The following CELF1 variants were observed in gnomAD, a reference collection of about 807,000 sequenced individuals.
The protein encoded by CELF1 is CUGBP Elav-like family member 1, also known as 50 kDa nuclear polyadenylated RNA-binding protein.
CELF1 carries 10 observed loss-of-function variants against 61.8 expected under a neutral mutation model. That is an observed-to-expected ratio of 0.16 (90% CI 0.10 to 0.27). The LOEUF is 0.27. CELF1 is among the 10% of genes least tolerant of loss of function. CELF1 has a pLI of 1.00. For synonymous variants in CELF1, 236 were observed against 225.1 expected (o/e 1.05, Z -0.43); for missense variants, 380 against 639.1 (o/e 0.59, Z 4.37).
intron 1 of CELF1, among the ~76,000 whole-genome samples, chr11:47,535,929 AT>A (rs1159764844): frequency 1.3e-5 from 2 of 151,398 alleles, no homozygotes; most frequent in African/African-American, 4.8e-5. Flanking sequence ...TGCCCAGCTA[AT>A]TTTTTCTGTT....
At chr11:47,550,036 C>G (rs981364072) in intron 1 of CELF1, among the ~76,000 whole-genome samples, 2 of 151,630 alleles carry the variant, frequency 1.3e-5, no homozygotes, top group Non-Finnish European at 2.9e-5. Context: ...AGGCTGGTCT[C>G]GAACTCCTGA....
At chr11:47,499,304 A>C in intron 3 of CELF1, 149 bp downstream of exon 3, 1 of 622,512 alleles carries the variant, frequency 1.6e-6, no homozygotes, top group South Asian at 2.0e-5. Context: ...CTACAATTGA[A>C]AATAATAGCA....
upstream of CELF1, among the ~76,000 whole-genome samples, chr11:47,555,352 C>T (rs774011704): frequency 1.6e-5 from 2 of 126,764 alleles, no homozygotes; most frequent in Non-Finnish European, 3.3e-5. Flanking sequence ...CTAATATCTC[C>T]ATTGCTTTTC....
intron 1 of CELF1, among the ~76,000 whole-genome samples, chr11:47,525,512 A>G (rs1484316635): frequency 6.6e-6 from 1 of 152,172 alleles, no homozygotes. Context: ...GGGTTTCACC[A>G]TGCTGCCCAG....
intron 2 of CELF1, among the ~76,000 whole-genome samples, chr11:47,560,135 A>G (rs1455034913): frequency 2.0e-5 from 3 of 152,118 alleles, no homozygotes; most frequent in Non-Finnish European, 4.4e-5. Flanking sequence ...CCCCATCTGT[A>G]CAAACATTAG....
intron 1 of CELF1, among the ~76,000 whole-genome samples, chr11:47,509,401 GA>G (rs1334888123): frequency 6.6e-6 from 1 of 152,148 alleles, no homozygotes; most frequent in Non-Finnish European, 1.5e-5. Flanking sequence ...AAAAAGCTAA[GA>G]GGGGGGCTGG....
At chr11:47,487,887 G>A (rs1465474523) in intron 4 of CELF1, among the ~76,000 whole-genome samples, 1 of 152,078 alleles carries the variant, frequency 6.6e-6, no homozygotes, top group Non-Finnish European at 1.5e-5. Context: ...AGTATATCTT[G>A]TAAATCTTGG....
At chr11:47,558,529 A>T (rs1565921433) in intron 2 of CELF1, among the ~76,000 whole-genome samples, 1 of 115,344 alleles carries the variant, frequency 8.7e-6, no homozygotes, top group African/African-American at 4.0e-5. Flanking sequence ...ATGTATATGT[A>T]TATATTTATA....
chr11:47,541,823 AAAGAAAG>A (rs1565904984), intron 1 of CELF1, among the ~76,000 whole-genome samples: 14 of 149,536 alleles, frequency 9.4e-5, no homozygotes, highest in East Asian at 7.8e-4. Context: ...AGAAAGAAAG[AAAGAAAG>A]AAAGAAAATG....
intron 3 of CELF1, among the ~76,000 whole-genome samples, chr11:47,490,533 TCTC>T (rs1326326671): frequency 6.6e-6 from 1 of 151,494 alleles, no homozygotes; most frequent in African/African-American, 2.4e-5. Flanking sequence ...TTCAAGCAAT[TCTC>T]CTGCCTCAGC....
At chr11:47,527,771 A>C (rs1439453297) in intron 1 of CELF1, among the ~76,000 whole-genome samples, 3 of 152,162 alleles carry the variant, frequency 2.0e-5, no homozygotes, top group Non-Finnish European at 4.4e-5. Context: ...TCTCTACTAA[A>C]AATACTTGTG....
At chr11:47,487,898 G>C (rs944871441) in intron 4 of CELF1, among the ~76,000 whole-genome samples, 1 of 151,950 alleles carries the variant, frequency 6.6e-6, no homozygotes, top group Non-Finnish European at 1.5e-5. Flanking sequence ...TAAATCTTGG[G>C]CTTAAATGTT....
chr11:47,487,098 G>GTC (rs1231031742), intron 5 of CELF1, 61 bp downstream of exon 5: 25 of 1,293,724 alleles, frequency 1.9e-5, no homozygotes, highest in Non-Finnish European at 2.3e-5. Context: ...TCTGATATGT[G>GTC]TAAGTATATC....
At chr11:47,491,388 G>A (rs1007447038) in intron 3 of CELF1, among the ~76,000 whole-genome samples, 1 of 151,698 alleles carries the variant, frequency 6.6e-6, no homozygotes, top group Admixed American at 6.6e-5. Flanking sequence ...GTCTTGAACT[G>A]AGCTCAAGTG....
intron 1 of CELF1, 129 bp from the exon 2 acceptor site, chr11:47,501,061 G>A: frequency 2.5e-6 from 1 of 395,380 alleles, no homozygotes; most frequent in Non-Finnish European, 4.5e-6. Context: ...ACATCTGTCT[G>A]CACCTGACCC....
Position 47,477,043 on chromosome 11 carries a change from C to A in CELF1, c.974-84G>T, listed in dbSNP as rs974398360. The A allele has an allele frequency of 5.8e-6, 7 of 1,213,726 alleles. No homozygotes were observed. In the African/African-American group the frequency reaches 1.0e-4, roughly 18 times the overall value. 75.2% of individuals were successfully genotyped at this position (1,213,726 alleles called of 1,614,324 possible). A position where few individuals can be genotyped will look rare whatever the true frequency, so the allele number is the denominator to read the frequency against. On this transcript the variant is annotated intron_variant, in intron 11 of 14. Coordinates refer to ENST00000687097, the MANE Select transcript of CELF1 (RefSeq NM_001376376.1). ...GAAAAAGTGTCACTATCCAAGTATG[C>A]TATTTGTAAAGAGGTTTTCAGTTAC... is the stretch of plus-strand genomic sequence containing the variant.
At chr11:47,547,222 CAAG>C (rs2096985346) in intron 1 of CELF1, among the ~76,000 whole-genome samples, 1 of 151,878 alleles carries the variant, frequency 6.6e-6, no homozygotes, top group South Asian at 2.1e-4. Context: ...TTTGTATTTT[CAAG>C]AAGTTTGAAT....
At chr11:47,484,773 G>A (rs2085619028) in intron 6 of CELF1, among the ~76,000 whole-genome samples, 1 of 152,202 alleles carries the variant, frequency 6.6e-6, no homozygotes, top group African/African-American at 2.4e-5. Flanking sequence ...CCGCCTCCCG[G>A]ATTCAAGTGA....
At chr11:47,507,430 G>A (rs1032254768) in intron 1 of CELF1, among the ~76,000 whole-genome samples, 9 of 151,928 alleles carry the variant, frequency 5.9e-5, no homozygotes, top group Non-Finnish European at 1.3e-4. Flanking sequence ...ATGCATCTTG[G>A]TGGCCCTAGG....
Sources: allele counts gnomAD v4.1 joint callset (sites outside exome capture counted in the v4.1 genomes callset), GRCh38; gene constraint gnomAD v4.1.1; transcripts MANE v1.5; gene names NCBI Gene and HGNC (gene_info 2026-07-23, HGNC 2026-07-21).